PAQR8: variants seen among roughly 807,000 people sequenced by gnomAD.
PAQR8 encodes progestin and adipoQ receptor family member 8.
In PAQR8, 17 loss-of-function variants were observed where a neutral mutation model predicts 25.2. The observed-to-expected ratio is 0.67, with a 90% confidence interval of 0.46 to 1.01. The LOEUF is 1.01. Ranked by LOEUF, PAQR8 falls within the 50% of genes least tolerant of loss-of-function variation. The probability of loss-of-function intolerance (pLI) is 0.00; values close to 1 mark genes in which losing one functional copy is unlikely to be tolerated. For missense variants in PAQR8, 392 were observed against 448.4 expected (o/e 0.87, Z 1.14); for synonymous variants, 204 against 190.6 (o/e 1.07, Z -0.58).
At chr6:52,366,366 A>G (rs1763353773) in intron 1 of PAQR8, among the ~76,000 whole-genome samples, 1 of 152,310 alleles carries the variant, frequency 6.6e-6, no homozygotes, top group African/African-American at 2.4e-5. Flanking sequence ...CATTCACATC[A>G]TGTGCTCTCT....
At position 52,403,884 on chromosome 6, in the gene PAQR8, ACAT is replaced by A; in HGVS notation, c.674_676del (p.Ile225del). On this transcript the variant is annotated inframe_deletion, in exon 2 of 2. Transcript: ENST00000442253. ...CCAGCAGGTCTGGCTTTTATCCTAG[ACAT>A]CAGCCCTGTGGCACACCGTGTGGCG... 1 of 1,614,156 alleles carries A rather than the reference ACAT, an allele frequency of 6.2e-7. No individual in the cohort carries two copies. The highest frequency in any genetic ancestry group is 8.5e-7 in the Non-Finnish European group (1 of 1,180,012).
rs141870383 is a variant in PAQR8, at chr6:52,368,416, A to AT, written c.-53+6174dup. ...AAGGTGAGTAGCACCTGGGTATCAG[A>AT]TTTTTTTAATTTTTGGGTGTGAGTT... is the stretch of plus-strand genomic sequence containing the variant. On this transcript the variant is annotated intron_variant, in intron 1 of 1. Coordinates refer to ENST00000442253, the MANE Select transcript of PAQR8 (RefSeq NM_133367.5). Among the ~76,000 whole-genome samples, 1,313 of 152,188 alleles carry AT rather than the reference A, an allele frequency of 8.6e-3. 28 individuals carry two copies. Among genetic ancestry groups the AT allele is most frequent in the African/African-American group, 0.03 (1,255 of 41,512 alleles).
chr6:52,388,835 G>A (rs932775786), intron 1 of PAQR8, among the ~76,000 whole-genome samples: 16 of 152,314 alleles, frequency 1.1e-4, no homozygotes, highest in Non-Finnish European at 1.5e-4. Flanking sequence ...AGCTTCACAG[G>A]GGAGGGGTTA....
chr6:52,373,580 C>G (rs1763446600), intron 1 of PAQR8: 3 of 152,210 alleles, frequency 2.0e-5, no homozygotes, highest in Admixed American at 2.0e-4. Context: ...GCTTTTACTG[C>G]CAGAAATGTT....
At chr6:52,363,461 A>G (rs527368711) in intron 1 of PAQR8, among the ~76,000 whole-genome samples, 2 of 152,312 alleles carry the variant, frequency 1.3e-5, no homozygotes, top group South Asian at 4.1e-4. Flanking sequence ...TGCGCGCCTT[A>G]GGGATAACTC....
intron 1 of PAQR8, among the ~76,000 whole-genome samples, chr6:52,379,615 C>CTTTCT (rs1763528192): frequency 1.0e-5 from 1 of 100,502 alleles, no homozygotes; most frequent in South Asian, 3.2e-4. Context: ...CCACACCCAG[C>CTTTCT]TTTCTTTTTT....
Position 52,404,000 on chromosome 6 carries a change from T to C in PAQR8, c.787T>C (p.Ser263Pro), listed in dbSNP as rs764661357. 1 of 1,614,202 alleles carries C rather than the reference T, an allele frequency of 6.2e-7. No individual in the cohort carries two copies. Among genetic ancestry groups the C allele is most frequent in the South Asian group, 1.1e-5 (1 of 91,078 alleles). The change falls in exon 2 of 2, where the codon TCC (serine) becomes CCC (proline). Residue 263 changes from serine (S) to proline (P), a missense_variant. Transcript: ENST00000442253. ...CTTCCTGGTTAGCGCTTATTTCTTC[T>C]CCTGCCCCGTGCCTGAGAAGTACTT... The part of the protein sequence containing the change: ...LFFLVSAYFF[S>P]CPVPEKYFPG...
intron 1 of PAQR8, among the ~76,000 whole-genome samples, chr6:52,377,322 T>C (rs184302763): frequency 5.3e-4 from 81 of 152,286 alleles, no homozygotes; most frequent in African/African-American, 1.7e-3. Flanking sequence ...ACCAGAAGGA[T>C]TGTGGTTTAT....
chr6:52,398,408 A>G (rs1201574615), intron 1 of PAQR8, among the ~76,000 whole-genome samples: 3 of 151,914 alleles, frequency 2.0e-5, no homozygotes, highest in African/African-American at 7.3e-5. Flanking sequence ...GGGTTTCACT[A>G]TATTGGCCAG....
At chr6:52,388,482 G>C (rs4360120) in intron 1 of PAQR8, among the ~76,000 whole-genome samples, 4,972 of 152,216 alleles carry the variant, frequency 0.033, 94 homozygotes, top group Middle Eastern at 0.062. Context: ...CCATGAAATT[G>C]GTCCCTGGTG....
chr6:52,386,480 A>G (rs9474215), intron 1 of PAQR8, among the ~76,000 whole-genome samples: 10,065 of 152,292 alleles, frequency 0.066, 1,072 homozygotes, highest in African/African-American at 0.23. Context: ...AATTGAATAA[A>G]GAAATTGTGG....
intron 1 of PAQR8, among the ~76,000 whole-genome samples, chr6:52,390,593 C>T (rs767560786): frequency 7.2e-5 from 11 of 152,132 alleles, no homozygotes; most frequent in South Asian, 2.1e-4. Context: ...AAGTGACTCA[C>T]GTATTAATGC....
chr6:52,378,577 G>C (rs563615554), intron 1 of PAQR8, among the ~76,000 whole-genome samples: 69 of 152,204 alleles, frequency 4.5e-4, no homozygotes, highest in African/African-American at 1.6e-3. Context: ...CGGATCACGA[G>C]GTCAGGAGTT....
Position 52,403,367 on chromosome 6 carries a change from C to T in PAQR8, c.154C>T (p.Arg52Cys), listed in dbSNP as rs1275207664. The change falls in exon 2 of 2, where the codon CGC (arginine) becomes TGC (cysteine). Residue 52 changes from arginine (R) to cysteine (C), a missense_variant. Transcript: ENST00000442253. Reference sequence around the variant, plus strand: ...CCAGCTCTTCCGGGAGCCTTACATCCGCACCGGCTACCGCCCCACGGGGCA... The same window carrying T: ...CCAGCTCTTCCGGGAGCCTTACATCTGCACCGGCTACCGCCCCACGGGGCA... ...VPQLFREPYI[R>C]TGYRPTGHEW... The T allele has an allele frequency of 2.5e-6, 4 of 1,614,128 alleles. No individual in the cohort carries two copies. In the African/African-American group the frequency reaches 4.0e-5, roughly 16 times the overall value.
rs1763922964 is a variant in PAQR8, at chr6:52,407,326, C to G, written c.*3048C>G. 6.0e-6 allele frequency: 1 copy of G among 167,058 alleles called. No homozygotes were observed. The highest frequency in any genetic ancestry group is 6.5e-5 in the Admixed American group (1 of 15,290). 10.3% of individuals were successfully genotyped at this position (167,058 alleles called of 1,614,324 possible). A position where few individuals can be genotyped will look rare whatever the true frequency, so the allele number is the denominator to read the frequency against. Reference sequence around the variant, plus strand: ...CTGCTTCTCTCTTGCCTAATTCTTCCTGACCTGTATTTACTGATGCTTAAT... The same window carrying G: ...CTGCTTCTCTCTTGCCTAATTCTTCGTGACCTGTATTTACTGATGCTTAAT... On this transcript the variant is annotated 3_prime_UTR_variant, in exon 2 of 2. Transcript: ENST00000442253.
intron 1 of PAQR8, among the ~76,000 whole-genome samples, chr6:52,374,156 T>C (rs1763454087): frequency 6.6e-6 from 1 of 152,218 alleles, no homozygotes; most frequent in African/African-American, 2.4e-5. Flanking sequence ...GCATCATGCT[T>C]CCTGTACAGC....
intron 1 of PAQR8, among the ~76,000 whole-genome samples, chr6:52,386,332 A>G (rs1293116051): frequency 2.6e-5 from 4 of 152,214 alleles, no homozygotes; most frequent in Non-Finnish European, 5.9e-5. Context: ...TGACCTAGCA[A>G]CCACATTACT....
rs375681982 is a variant in PAQR8 at position 52,369,772 on chromosome 6, A to C, written c.-53+7523A>C. On this transcript the variant is annotated intron_variant, in intron 1 of 1. Coordinates refer to ENST00000442253, the MANE Select transcript of PAQR8 (RefSeq NM_133367.5). ...TCAAATTAGAAAATTTATATTTTCC[A>C]TGGTGAATTCATTCCAGAAATCCCA... is the stretch of plus-strand genomic sequence containing the variant. Among the ~76,000 whole-genome samples the C allele has an allele frequency of 1.1e-4, 16 of 152,360 alleles. No individual in the cohort carries two copies. The East Asian group carries it at 2.9e-3, about 27-fold the overall frequency.
chr6:52,384,323 G>A (rs759319952), intron 1 of PAQR8, among the ~76,000 whole-genome samples: 2 of 152,232 alleles, frequency 1.3e-5, no homozygotes, highest in Non-Finnish European at 2.9e-5. Flanking sequence ...GCAGTACACA[G>A]TACCTGGTGA....
Sources: allele counts gnomAD v4.1 joint callset (sites outside exome capture counted in the v4.1 genomes callset), GRCh38; gene constraint gnomAD v4.1.1; transcripts MANE v1.5; gene names NCBI Gene and HGNC (gene_info 2026-07-23, HGNC 2026-07-21).